Variants in COL22A1 observed in about 807,000 individuals in gnomAD.
COL22A1 encodes the protein collagen alpha-1(XXII) chain.
A neutral mutation model predicts 248.9 loss-of-function variants in COL22A1; 221 were observed. The observed-to-expected ratio is 0.89, with a 90% confidence interval of 0.80 to 0.99. COL22A1 has a LOEUF of 0.99. Among genes scored for constraint, COL22A1 ranks in the 50% least tolerant of loss-of-function variants. The probability of loss-of-function intolerance (pLI) is 0.00; values close to 1 mark genes in which losing one functional copy is unlikely to be tolerated. For synonymous variants in COL22A1, 891 were observed against 793.4 expected, an observed-to-expected ratio of 1.12 and a Z score of -2.07; for missense variants, 2,240 against 2,179.0, an observed-to-expected ratio of 1.03 and a Z score of -0.56.
Position 138,614,894 on chromosome 8 carries a change from G to A in COL22A1, c.3925-974C>T, listed in dbSNP as rs907540985. On this transcript the variant is annotated intron_variant, in intron 55 of 64. Coordinates refer to ENST00000303045, the MANE Select transcript of COL22A1 (RefSeq NM_152888.3). ...GGAGCAGATCAGCCACAGGGGCCAC[G>A]TGCTCCGGTGTGTCAAGAGCCACTG... is the stretch of plus-strand genomic sequence containing the variant. 8.5e-5 allele frequency among the ~76,000 whole-genome samples: 13 copies of A among 152,162 alleles called. No individual in the cohort carries two copies. The South Asian group carries it at 1.7e-3, about 19-fold the overall frequency.
chr8:138,837,904 C>T (rs1190272395), intron 4 of COL22A1, among the ~76,000 whole-genome samples: 1 of 152,150 alleles, frequency 6.6e-6, no homozygotes, highest in Non-Finnish European at 1.5e-5. Flanking sequence ...TGGGACGTGT[C>T]CTGGTGGCCT....
chr8:138,844,061 C>T (rs762327134), intron 4 of COL22A1, 23 bp downstream of exon 4: 84 of 1,605,128 alleles, frequency 5.2e-5, no homozygotes, highest in South Asian at 4.4e-4. Context: ...AGCAAGCACA[C>T]GTGGTTATTG....
At position 138,756,550 on chromosome 8, in the gene COL22A1, C is replaced by T. The variant is rs77506376; in HGVS notation, c.1903-721G>A. 2.6e-5 allele frequency among the ~76,000 whole-genome samples: 4 copies of T among 152,246 alleles called. No homozygotes were observed. In the East Asian group the frequency reaches 7.7e-4, roughly 29 times the overall value. On this transcript the variant is annotated intron_variant, in intron 18 of 64. Coordinates refer to ENST00000303045, the MANE Select transcript of COL22A1 (RefSeq NM_152888.3). ...GGAAAATACATATAGTCAATGTTTC[C>T]ACACATGACGTAGGGACATAACTTT...
intron 31 of COL22A1, among the ~76,000 whole-genome samples, chr8:138,702,257 A>T (rs4243904): frequency 0.49 from 73,838 of 152,032 alleles, 18,224 homozygotes; most frequent in East Asian, 0.73. Flanking sequence ...TCAATCTTAA[A>T]CAAAAATTTG....
At chr8:138,631,228 T>A (rs1820697109) in intron 49 of COL22A1, among the ~76,000 whole-genome samples, 1 of 152,182 alleles carries the variant, frequency 6.6e-6, no homozygotes, top group Admixed American at 6.5e-5. Context: ...TGTAAAAACA[T>A]CCTAATATAG....
At chr8:138,680,186 G>A (rs113933044) in intron 39 of COL22A1, among the ~76,000 whole-genome samples, 21 of 152,326 alleles carry the variant, frequency 1.4e-4, no homozygotes, top group African/African-American at 2.4e-4. Flanking sequence ...AGCTAGAATC[G>A]GTAGCACAGT....
intron 18 of COL22A1, among the ~76,000 whole-genome samples, chr8:138,757,735 G>T (rs1563721270): frequency 6.6e-6 from 1 of 152,222 alleles, no homozygotes; most frequent in Non-Finnish European, 1.5e-5. Flanking sequence ...TGAGGAAACT[G>T]GGGCACAGAT....
intron 17 of COL22A1, among the ~76,000 whole-genome samples, chr8:138,760,512 TG>T (rs1440245378): frequency 6.6e-6 from 1 of 152,188 alleles, no homozygotes; most frequent in East Asian, 1.9e-4. Context: ...GCAGTTGCGC[TG>T]GTTCTGCAGC....
chr8:138,811,092 T>G (rs1818171989), intron 9 of COL22A1, among the ~76,000 whole-genome samples: 1 of 152,108 alleles, frequency 6.6e-6, no homozygotes, highest in South Asian at 2.1e-4. Context: ...GAGAAGAACT[T>G]TTTTACCCCT....
At chr8:138,635,504 G>A (rs1821081215) in intron 48 of COL22A1, among the ~76,000 whole-genome samples, 1 of 152,054 alleles carries the variant, frequency 6.6e-6, no homozygotes, top group Non-Finnish European at 1.5e-5. Context: ...AAATGGTTAG[G>A]TTAACTGAAT....
intron 27 of COL22A1, among the ~76,000 whole-genome samples, chr8:138,718,770 G>A (rs1214518585): frequency 6.6e-6 from 1 of 152,170 alleles, no homozygotes; most frequent in African/African-American, 2.4e-5. Context: ...TGAACACAGA[G>A]CCTTAGAAAT....
intron 1 of COL22A1, among the ~76,000 whole-genome samples, chr8:138,902,463 C>T (rs894581330): frequency 2.0e-5 from 3 of 151,948 alleles, no homozygotes; most frequent in African/African-American, 4.8e-5. Context: ...TTTGGAAGGC[C>T]GAGGTGGGCG....
At chr8:138,755,116 A>G in intron 21 of COL22A1, 41 bp downstream of exon 21, 1 of 1,596,128 alleles carries the variant, frequency 6.3e-7, no homozygotes, top group East Asian at 2.2e-5. Context: ...TGGTAAGAGA[A>G]GCGTGCAGAG....
In COL22A1 at chr8:138,591,421, T is replaced by C; in HGVS notation, c.4693+3A>G. 1.3e-6 allele frequency: 2 copies of C among 1,578,984 alleles called. No individual in the cohort carries two copies. The highest frequency in any genetic ancestry group is 1.2e-5 in the South Asian group (1 of 84,766). ...ACCCCTGAGACTGCAGAATGAGTCA[T>C]ACCTGGGATTCCAGGGGGTCCCATC... On this transcript the variant is annotated splice_donor_region_variant and intron_variant, in intron 64 of 64. Coordinates refer to ENST00000303045, the MANE Select transcript of COL22A1 (RefSeq NM_152888.3).
chr8:138,861,667 C>T (rs1287878152), intron 3 of COL22A1, among the ~76,000 whole-genome samples: 1 of 152,212 alleles, frequency 6.6e-6, no homozygotes, highest in Non-Finnish European at 1.5e-5. Flanking sequence ...AGGCACCTCT[C>T]ACTTGGCCTA....
chr8:138,659,468 C>T (rs1474058181), intron 44 of COL22A1, among the ~76,000 whole-genome samples: 3 of 152,222 alleles, frequency 2.0e-5, no homozygotes, highest in African/African-American at 7.2e-5. Flanking sequence ...ATCTCACTTT[C>T]TGAAACCAGA....
intron 23 of COL22A1, among the ~76,000 whole-genome samples, chr8:138,737,225 G>C (rs1831189337): frequency 6.6e-6 from 1 of 152,126 alleles, no homozygotes; most frequent in Non-Finnish European, 1.5e-5. Context: ...ACCTCGTCCT[G>C]GGGTCCCCCT....
intron 1 of COL22A1, among the ~76,000 whole-genome samples, chr8:138,884,793 T>C (rs1824520972): frequency 6.6e-6 from 1 of 152,194 alleles, no homozygotes; most frequent in African/African-American, 2.4e-5. Context: ...CATGGGTGTC[T>C]GTGTGTATGT....
intron 46 of COL22A1, among the ~76,000 whole-genome samples, chr8:138,648,348 T>C (rs1034979479): frequency 6.6e-6 from 1 of 152,204 alleles, no homozygotes; most frequent in African/African-American, 2.4e-5. Context: ...AAGCACTGCT[T>C]AAGGCTCAGA....
Sources: allele counts gnomAD v4.1 joint callset (sites outside exome capture counted in the v4.1 genomes callset), GRCh38; gene constraint gnomAD v4.1.1; transcripts MANE v1.5; gene names NCBI Gene and HGNC (gene_info 2026-07-23, HGNC 2026-07-21).